SATL1: variants seen among roughly 807,000 people sequenced by gnomAD.
SATL1 encodes spermidine/spermine N(1)-acetyltransferase-like protein 1.
SATL1 carries 47 observed loss-of-function variants against 51.8 expected under a neutral mutation model. The ratio of observed to expected loss-of-function variants is 0.91; its 90% CI spans 0.72 to 1.16. The LOEUF is 1.16. Among genes scored for constraint, SATL1 ranks in the 50% most tolerant of loss-of-function variants. SATL1 has a pLI of 0.00. For synonymous variants in SATL1, 176 were observed against 182.4 expected, an observed-to-expected ratio of 0.97 and a Z score of 0.28; for missense variants, 520 against 526.4, an observed-to-expected ratio of 0.99 and a Z score of 0.12.
intron 2 of SATL1, among the ~76,000 whole-genome samples, chrX:85,124,267 A>G (rs1779360886): frequency 1.8e-5 from 2 of 111,780 alleles, no homozygotes; most frequent in Non-Finnish European, 3.8e-5. Context: ...GAGAAGTTAC[A>G]TTAAGCAGAT....
Position 85,127,978 on chromosome X carries a change from T to C in SATL1, c.-312-18698A>G, listed in dbSNP as rs183754848. On this transcript the variant is annotated intron_variant, in intron 2 of 7. Coordinates refer to ENST00000644105, the MANE Select transcript of SATL1 (RefSeq NM_001367857.2). ...TGGCGCTACAAAGGACAAGAACTTATCCTTTTTTTATGGCTGCATAGTATT... is the reference window on the plus strand; with the variant it reads ...TGGCGCTACAAAGGACAAGAACTTACCCTTTTTTTATGGCTGCATAGTATT... Among the ~76,000 whole-genome samples the C allele has an allele frequency of 5.5e-3, 572 of 103,208 alleles. 4 individuals carry two copies. The highest frequency in any genetic ancestry group is 0.021 in the African/African-American group (540 of 25,227). The allele number at this position is 103,208 out of a possible 115,157, so 89.6% of individuals were successfully genotyped here. A position where few individuals can be genotyped will look rare whatever the true frequency, so the allele number is the denominator to read the frequency against.
At chrX:85,125,759 G>A (rs186634395) in intron 2 of SATL1, among the ~76,000 whole-genome samples, 65 of 108,852 alleles carry the variant, frequency 6.0e-4, no homozygotes, top group Admixed American at 1.1e-3. Flanking sequence ...TATATATATA[G>A]CCAATCCATT....
Position 85,108,120 on chromosome X carries a change from T to C in SATL1, c.849A>G (p.Leu283=). Reference sequence around the variant, plus strand: ...TCATGTCCACTTGGTTCATTTCATATAGGCTTGCACTCCATTGGTTCATGT... The same window carrying C: ...TCATGTCCACTTGGTTCATTTCATACAGGCTTGCACTCCATTGGTTCATGT... ...QMDMNQWSAS[L]YEMNQVDMKQ... is the part of the protein sequence containing the mutation. The change falls in exon 3 of 8, where the codon CTA becomes CTG. Residue 283 remains leucine (L), a synonymous_variant. Transcript: ENST00000644105. 1 of 1,211,947 alleles carries C rather than the reference T, an allele frequency of 8.3e-7. No homozygotes were observed. The highest frequency in any genetic ancestry group is 1.1e-6 in the Non-Finnish European group (1 of 895,556).
intron 2 of SATL1, among the ~76,000 whole-genome samples, chrX:85,113,705 A>G (rs979555749): frequency 1.8e-5 from 2 of 112,672 alleles, no homozygotes; most frequent in African/African-American, 6.4e-5. Context: ...GATTATTTGC[A>G]TAAAGCACAG....
chrX:85,196,540 G>A (rs1927565489), intron 2 of SATL1, among the ~76,000 whole-genome samples: 1 of 111,544 alleles, frequency 9.0e-6, no homozygotes, highest in Non-Finnish European at 1.9e-5. Flanking sequence ...AATGGAGGAT[G>A]TATACATCAC....
intron 1 of SATL1, among the ~76,000 whole-genome samples, chrX:85,228,730 A>G (rs1928323879): frequency 9.0e-6 from 1 of 111,096 alleles, no homozygotes. Context: ...ATACTCTCCT[A>G]GTTTTCCTCC....
chrX:85,156,816 TA>T (rs1926600842), intron 2 of SATL1, among the ~76,000 whole-genome samples: 1 of 287 alleles, frequency 3.5e-3, no homozygotes, highest in African/African-American at 9.8e-3. Context: ...GTGGAGATTA[TA>T]TATATATATA....
rs1057131939 is a variant in SATL1, at chrX:85,160,798, G to A, written c.-312-51518C>T. Among the ~76,000 whole-genome samples, 10 of 111,485 alleles carry A rather than the reference G, an allele frequency of 9.0e-5. No individual in the cohort carries two copies. In the East Asian group the frequency reaches 2.6e-3, roughly 28 times the overall value. Reference sequence around the variant, plus strand: ...AGAACGTCCTCAACCTAGCAAGAGAGGCTAACATTGAAATTCAGGAAATGC... The same window carrying A: ...AGAACGTCCTCAACCTAGCAAGAGAAGCTAACATTGAAATTCAGGAAATGC... On this transcript the variant is annotated intron_variant, in intron 2 of 7. Coordinates refer to ENST00000644105, the MANE Select transcript of SATL1 (RefSeq NM_001367857.2).
At position 85,108,548 on chromosome X, in the gene SATL1, G is replaced by T. The variant is rs1233741019; in HGVS notation, c.421C>A (p.Gln141Lys). ...QSGMSQPVMQ[Q>K]LDSQSGGSQP... ...CTCCCACCTGACTGGCTGTCTAGTT[G>T]CTGCATCACTGGTTGGCTCATACCT... The change falls in exon 3 of 8, where the codon CAA becomes AAA. Residue 141 changes from glutamine (Q) to lysine (K), a missense_variant. By Grantham distance (53) the Gln-to-Lys change is moderately conservative. Around this residue, in one of 3 missense-constraint regions of SATL1, gnomAD observed 488 missense variants for 474.3 expected, o/e 1.03. Transcript: ENST00000644105. 8.3e-7 allele frequency: 1 copy of T among 1,210,005 alleles called. No individual in the cohort carries two copies. Among genetic ancestry groups the T allele is most frequent in the South Asian group, 1.8e-5 (1 of 56,719 alleles).
chrX:85,095,099 A>G, intron 4 of SATL1, 103 bp from the exon 5 acceptor site: 1 of 498,038 alleles, frequency 2.0e-6, no homozygotes. Flanking sequence ...CTGGATAGCA[A>G]TTGTATTGGC....
At chrX:85,227,676 G>C (rs181469926) in intron 1 of SATL1, among the ~76,000 whole-genome samples, 1 of 105,809 alleles carries the variant, frequency 9.5e-6, no homozygotes, top group Non-Finnish European at 2.0e-5. Context: ...CAAATGGTTC[G>C]GTTTTATCAA....
intron 2 of SATL1, among the ~76,000 whole-genome samples, chrX:85,218,092 C>A (rs1928089150): frequency 9.1e-6 from 1 of 109,347 alleles, no homozygotes; most frequent in African/African-American, 3.3e-5. Flanking sequence ...AGGAGGGGAA[C>A]AACAGACACT....
At chrX:85,190,159 C>T (rs1927404034) in intron 2 of SATL1, among the ~76,000 whole-genome samples, 1 of 111,781 alleles carries the variant, frequency 8.9e-6, no homozygotes, top group Non-Finnish European at 1.9e-5. Context: ...CTATAGGATA[C>T]ACACAATTTG....
intron 1 of SATL1, among the ~76,000 whole-genome samples, chrX:85,240,456 C>T (rs1239188094): frequency 2.7e-5 from 3 of 111,641 alleles, no homozygotes; most frequent in Non-Finnish European, 5.6e-5. Context: ...TGATTTTCTA[C>T]ATTTACTTCT....
rs766316712 is a variant in SATL1, at chrX:85,108,441, T to C, written c.528A>G (p.Thr176=). The change falls in exon 3 of 8, where the codon ACA becomes ACG. Residue 176 remains threonine, a synonymous_variant. Transcript: ENST00000644105. ...GCCTCAGGACTGGTTGGCTCAGTCC[T>C]GTTTGCCATGTGCCTGGTTGGCTCA... ...IGMSQPGTWQ[T]GLSQPVLRQP... is the part of the protein sequence containing the mutation. 8 of 1,212,084 alleles carry C rather than the reference T, an allele frequency of 6.6e-6. No individual in the cohort carries two copies. The highest frequency in any genetic ancestry group is 5.9e-5 in the East Asian group (2 of 33,824).
rs1454864223 is a variant in SATL1 at position 85,092,897 on chromosome X, T to A, written c.1917+288A>T. The A allele has an allele frequency of 1.1e-4, 36 of 322,745 alleles. No individual in the cohort carries two copies. The Admixed American group carries it at 1.9e-3, about 17-fold the overall frequency. 26.6% of individuals were successfully genotyped at this position (322,745 alleles called of 1,213,427 possible). A position where few individuals can be genotyped will look rare whatever the true frequency, so the allele number is the denominator to read the frequency against. ...GTAATATTCATACTGTGAGCCTGTG[T>A]TTTTGAATAAAAATGCTTTCTAATC... On this transcript the variant is annotated intron_variant, in intron 7 of 7. Transcript: ENST00000644105.
At chrX:85,093,888 A>G (rs1024279497) in intron 6 of SATL1, among the ~76,000 whole-genome samples, 1 of 111,648 alleles carries the variant, frequency 9.0e-6, no homozygotes, top group African/African-American at 3.3e-5. Flanking sequence ...ATATATAGCC[A>G]TGTGATAGCT....
intron 2 of SATL1, among the ~76,000 whole-genome samples, chrX:85,223,883 G>A (rs1316882107): frequency 1.8e-5 from 2 of 111,174 alleles, no homozygotes; most frequent in African/African-American, 3.3e-5. Flanking sequence ...TAATGGACTA[G>A]GGGAGCAGGG....
chrX:85,143,776 C>A (rs184402022), intron 2 of SATL1, among the ~76,000 whole-genome samples: 80 of 111,087 alleles, frequency 7.2e-4, no homozygotes, highest in Non-Finnish European at 1.3e-3. Flanking sequence ...ATTCTATGGA[C>A]CAGTAACTAA....
Sources: gnomAD v4.1 joint callset for allele counts (sites outside exome capture counted in the v4.1 genomes callset) on GRCh38, gnomAD v4.1.1 for gene constraint, gnomAD v4.1.1 regional missense constraint, MANE v1.5 for transcripts, NCBI Gene and HGNC (gene_info 2026-07-23, HGNC 2026-07-21) for gene names.